KIF26B: variants seen among roughly 807,000 people sequenced by gnomAD.
KIF26B encodes the protein kinesin family member 26B, also known as kinesin-like protein KIF26B.
In KIF26B, 63 loss-of-function variants were observed where a neutral mutation model predicts 151.2. The observed-to-expected ratio is 0.42, with a 90% CI of 0.34 to 0.51. KIF26B has a LOEUF of 0.51. Ranked by LOEUF, KIF26B falls within the 20% of genes least tolerant of loss-of-function variation. KIF26B has a pLI of 0.07. For synonymous variants in KIF26B, 1,357 were observed against 1,262.1 expected, an observed-to-expected ratio of 1.08 and a Z score of -1.59; for missense variants, 2,813 against 2,913.6, an observed-to-expected ratio of 0.97 and a Z score of 0.79.
chr1:245,684,409 G>A lies in KIF26B; in HGVS notation c.2421+14G>A, dbSNP rs772383250. On this transcript the variant is annotated intron_variant, in intron 11 of 14. Coordinates refer to ENST00000407071, the MANE Select transcript of KIF26B (RefSeq NM_018012.4). ...AAGAAGACGAAGGTAAGGAGCTCGC[G>A]GGGTGGGGGGGTGGTGGATGAGGGA... 11 of 1,564,684 alleles carry A rather than the reference G, an allele frequency of 7.0e-6. No homozygotes were observed. The highest frequency in any genetic ancestry group is 1.9e-5 in the Admixed American group (1 of 53,540).
At chr1:245,335,775 AGGAGAGTCCCACGCAGGGAAAG>A in intron 2 of KIF26B, among the ~76,000 whole-genome samples, 1 of 140,400 alleles carries the variant, frequency 7.1e-6, no homozygotes, top group Admixed American at 7.0e-5. Flanking sequence ...ACGCAGGGAA[AGGAGAGTCCCACGCAGGGAAAG>A]GAAGGTCCCA....
chr1:245,345,930 TCTTTC>T (rs1198616196), intron 2 of KIF26B, among the ~76,000 whole-genome samples: 184 of 134,832 alleles, frequency 1.4e-3, no homozygotes, highest in African/African-American at 6.5e-3. Context: ...TTTCTTTCTT[TCTTTC>T]TTTTTTTTTT....
At position 245,257,703 on chromosome 1, in the gene KIF26B, G is replaced by A. The variant is rs939355692; in HGVS notation, c.465+101020G>A. On this transcript the variant is annotated intron_variant, in intron 2 of 14. Transcript: ENST00000407071. ...AGTGGCCCTTGCTTAGGTGGCAGAG[G>A]ACAGGGGTAGATATTTGTGATCAAG... Among the ~76,000 whole-genome samples, 19 of 152,244 alleles carry A rather than the reference G, an allele frequency of 1.2e-4. 1 individual carries two copies. Among genetic ancestry groups the A allele is most frequent in the African/African-American group, 4.6e-4 (19 of 41,558 alleles).
chr1:245,350,049 A>T lies in KIF26B; in HGVS notation c.466-16785A>T, dbSNP rs187951535. Reference sequence around the variant, plus strand: ...AAAAGTGCAGAGAGTATATATATATATATTTTTTTTTCATAAATACTTGCA... The same window carrying T: ...AAAAGTGCAGAGAGTATATATATATTTATTTTTTTTTCATAAATACTTGCA... On this transcript the variant is annotated intron_variant, in intron 2 of 14. Coordinates refer to ENST00000407071, the MANE Select transcript of KIF26B (RefSeq NM_018012.4). Among the ~76,000 whole-genome samples, 64 of 150,232 alleles carry T rather than the reference A, an allele frequency of 4.3e-4. 1 individual carries two copies. The highest frequency in any genetic ancestry group is 2.2e-4 in the East Asian group (1 of 4,632).
chr1:245,230,750 AAAAAG>A (rs531116553), intron 2 of KIF26B, among the ~76,000 whole-genome samples: 4 of 152,048 alleles, frequency 2.6e-5, no homozygotes, highest in Non-Finnish European at 4.4e-5. Context: ...TGTAAAAAAA[AAAAAG>A]AAAAGAAAGA....
At chr1:245,350,189 G>A (rs745505170) in intron 2 of KIF26B, among the ~76,000 whole-genome samples, 1 of 152,110 alleles carries the variant, frequency 6.6e-6, no homozygotes, top group Non-Finnish European at 1.5e-5. Flanking sequence ...TCAGAGGTGT[G>A]CACAGGGCTG....
chr1:245,586,892 CAA>C (rs10715064), intron 5 of KIF26B, among the ~76,000 whole-genome samples: 148 of 111,538 alleles, frequency 1.3e-3, no homozygotes, highest in African/African-American at 3.6e-3. Flanking sequence ...GACTCCGTCT[CAA>C]AAAAAAAAAA....
At chr1:245,695,803 A>T (rs574146763) in intron 12 of KIF26B, among the ~76,000 whole-genome samples, 1 of 124,572 alleles carries the variant, frequency 8.0e-6, no homozygotes, top group African/African-American at 2.7e-5. Context: ...TATTGGCAGG[A>T]CTCTCCAGGT....
intron 2 of KIF26B, among the ~76,000 whole-genome samples, chr1:245,169,535 C>T (rs954052587): frequency 6.6e-6 from 1 of 152,034 alleles, no homozygotes; most frequent in Admixed American, 6.6e-5. Flanking sequence ...GATGGCTGAC[C>T]CTCTCGGCAG....
chr1:245,241,055 G>A lies in KIF26B; in HGVS notation c.465+84372G>A, dbSNP rs1269849019. On this transcript the variant is annotated intron_variant, in intron 2 of 14. Transcript: ENST00000407071. The surrounding 1 kb of genome is among the most constrained non-coding windows in gnomAD (Gnocchi z 5.0). The stretch of plus-strand genomic sequence containing the variant: ...CAGGGCCTGGGGATTGGGAAACAGA[G>A]TATTGCCAAGCCTTATTAAGCAGCT... Among the ~76,000 whole-genome samples the A allele has an allele frequency of 6.6e-6, 1 of 152,216 alleles. No individual in the cohort carries two copies. Among genetic ancestry groups the A allele is most frequent in the East Asian group, 1.9e-4 (1 of 5,196 alleles).
intron 4 of KIF26B, among the ~76,000 whole-genome samples, chr1:245,524,196 G>T (rs1003631296): frequency 3.3e-5 from 5 of 152,160 alleles, no homozygotes; most frequent in Admixed American, 6.5e-5. Context: ...AAAAGATAGG[G>T]GAAGGGAACA....
At chr1:245,676,432 A>G (rs1011736291) in intron 10 of KIF26B, 1 of 152,264 alleles carries the variant, frequency 6.6e-6, no homozygotes, top group African/African-American at 2.4e-5. Context: ...AGTCTTGTTC[A>G]ATGAGATCAA....
intron 2 of KIF26B, among the ~76,000 whole-genome samples, chr1:245,245,157 C>G (rs1670302516): frequency 6.6e-6 from 1 of 152,120 alleles, no homozygotes; most frequent in African/African-American, 2.4e-5. Context: ...AATGGAAGGT[C>G]TGAGGGTCTG....
intron 4 of KIF26B, among the ~76,000 whole-genome samples, chr1:245,507,038 C>A (rs2103081987): frequency 6.6e-6 from 1 of 152,288 alleles, no homozygotes. Flanking sequence ...CTTCCTCATA[C>A]CTCCCAGGAG....
intron 10 of KIF26B, among the ~76,000 whole-genome samples, chr1:245,679,732 G>A (rs2044407709): frequency 6.6e-6 from 1 of 152,144 alleles, no homozygotes; most frequent in Non-Finnish European, 1.5e-5. Flanking sequence ...GCCTCTCAAA[G>A]TGTGGGGATT....
At chr1:245,443,861 C>T (rs1659182053) in intron 4 of KIF26B, among the ~76,000 whole-genome samples, 1 of 32,060 alleles carries the variant, frequency 3.1e-5, no homozygotes, top group African/African-American at 1.4e-4. Context: ...ACTGTTCACC[C>T]TGCGGTCATC....
rs1483611418 is a variant in KIF26B at position 245,367,106 on chromosome 1, C to G, written c.738C>G (p.Ala246=). 2 of 1,595,804 alleles carry G rather than the reference C, an allele frequency of 1.3e-6. No homozygotes were observed. Among genetic ancestry groups the G allele is most frequent in the Admixed American group, 3.5e-5 (2 of 57,234 alleles). The change falls in exon 3 of 15, where the codon GCC becomes GCG. Residue 246 remains alanine, a synonymous_variant. Transcript: ENST00000407071. This position sits in a 1 kb window ranked among gnomAD's most constrained non-coding sequence, Gnocchi z 4.2. ...GGCTCCAGCAGCCCAGAGACTGGGC[C>G]TTTGTGCCCGCCCCCTGTGCCACCT... The part of the protein sequence containing the change: ...VGGLQQPRDW[A]FVPAPCATSN...
Position 245,686,840 on chromosome 1 carries a change from G to A in KIF26B, c.3857G>A (p.Ser1286Asn). Residue 1286 changes from serine (S) to asparagine (N), a missense_variant, in exon 12 of 15, where the codon AGC becomes AAC. This residue lies in a region of KIF26B where 2,060 missense variants were observed against 2,088.6 expected (regional missense o/e 0.99). Coordinates refer to ENST00000407071, the MANE Select transcript of KIF26B (RefSeq NM_018012.4). This position sits in a 1 kb window ranked among gnomAD's most constrained non-coding sequence, Gnocchi z 5.6. ...SSISSWLSEM[S>N]AGSEGEQSCH... Reference sequence around the variant, plus strand: ...ATCAGCTCCTGGCTGAGCGAGATGAGCGCGGGCAGTGAGGGTGAGCAGTCG... The same window carrying A: ...ATCAGCTCCTGGCTGAGCGAGATGAACGCGGGCAGTGAGGGTGAGCAGTCG... 1 of 1,613,672 alleles carries A rather than the reference G, an allele frequency of 6.2e-7. No homozygotes were observed. Among genetic ancestry groups the A allele is most frequent in the East Asian group, 2.2e-5 (1 of 44,878 alleles).
intron 2 of KIF26B, among the ~76,000 whole-genome samples, chr1:245,304,699 C>CTCCA (rs547585018): frequency 0.036 from 5,475 of 150,638 alleles, 118 homozygotes; most frequent in Non-Finnish European, 0.051. Context: ...ACGTCCATCC[C>CTCCA]TCCATCCATC....
Sources: allele counts gnomAD v4.1 joint callset (sites outside exome capture counted in the v4.1 genomes callset), GRCh38; gene constraint gnomAD v4.1.1; regional missense constraint gnomAD v4.1.1; non-coding constraint Gnocchi (gnomAD v3.1); transcripts MANE v1.5; gene names NCBI Gene and HGNC (gene_info 2026-07-23, HGNC 2026-07-21).